Variants in PDE11A observed in about 807,000 individuals in gnomAD.
PDE11A encodes phosphodiesterase 11A.
A neutral mutation model predicts 100.5 loss-of-function variants in PDE11A; 100 were observed. The ratio of observed to expected loss-of-function variants is 1.00; its 90% confidence interval spans 0.85 to 1.18. PDE11A has a LOEUF of 1.18. Ranked by LOEUF, PDE11A falls within the 50% of genes most tolerant of loss-of-function variation. The probability of loss-of-function intolerance (pLI) is 0.00; values close to 1 mark genes in which losing one functional copy is unlikely to be tolerated. For synonymous variants in PDE11A, 381 were observed against 420.8 expected (o/e 0.91, Z 1.16); for missense variants, 1,141 against 1,152.6 (o/e 0.99, Z 0.15).
chr2:177,812,030 A>G (rs549026248), intron 9 of PDE11A, among the ~76,000 whole-genome samples: 2 of 152,340 alleles, frequency 1.3e-5, no homozygotes, highest in South Asian at 2.1e-4. Flanking sequence ...ACAAAACTCA[A>G]TGAAGATTAA....
chr2:178,036,941 C>T (rs752908424), intron 1 of PDE11A, among the ~76,000 whole-genome samples: 25 of 152,108 alleles, frequency 1.6e-4, no homozygotes, highest in Admixed American at 6.6e-4. Flanking sequence ...CCAGGCAATA[C>T]GATTCAGGAC....
At chr2:178,063,277 C>T (rs1382142638) in intron 1 of PDE11A, among the ~76,000 whole-genome samples, 1 of 152,298 alleles carries the variant, frequency 6.6e-6, no homozygotes, top group Non-Finnish European at 1.5e-5. Context: ...AGGATTTGAT[C>T]TCTTTACATT....
At chr2:177,835,194 C>T (rs2083374807) in intron 6 of PDE11A, among the ~76,000 whole-genome samples, 1 of 152,126 alleles carries the variant, frequency 6.6e-6, no homozygotes, top group African/African-American at 2.4e-5. Flanking sequence ...AAAGAAACAC[C>T]TCTTCTTTCT....
intron 10 of PDE11A, among the ~76,000 whole-genome samples, chr2:177,768,333 C>G (rs954751412): frequency 1.3e-5 from 2 of 152,150 alleles, no homozygotes; most frequent in East Asian, 1.9e-4. Flanking sequence ...TTCTAATGAT[C>G]TGATTCAATT....
At chr2:178,037,295 G>T (rs113379452) in intron 1 of PDE11A, among the ~76,000 whole-genome samples, 1,588 of 152,298 alleles carry the variant, frequency 0.01, 24 homozygotes, top group African/African-American at 0.036. Flanking sequence ...GGTCATTAGA[G>T]AAATGCAAAT....
chr2:177,912,707 C>T (rs2084900320), intron 2 of PDE11A, among the ~76,000 whole-genome samples: 1 of 151,932 alleles, frequency 6.6e-6, no homozygotes, highest in Non-Finnish European at 1.5e-5. Context: ...AAAAAAATAC[C>T]CATATTTCTG....
chr2:178,033,386 A>C (rs539943042), intron 1 of PDE11A, among the ~76,000 whole-genome samples: 1 of 152,294 alleles, frequency 6.6e-6, no homozygotes, highest in Admixed American at 6.5e-5. Context: ...GCATCCAGGA[A>C]ATATGGGACT....
chr2:177,724,720 G>C (rs1430181315), intron 12 of PDE11A, among the ~76,000 whole-genome samples: 10 of 152,046 alleles, frequency 6.6e-5, no homozygotes, highest in Non-Finnish European at 1.5e-4. Context: ...TCTCTTTTAG[G>C]AAAAACATTT....
intron 2 of PDE11A, among the ~76,000 whole-genome samples, chr2:178,083,119 A>G (rs1409931334): frequency 8.5e-6 from 1 of 117,670 alleles, no homozygotes; most frequent in Non-Finnish European, 1.9e-5. Flanking sequence ...TTTTTTTTTG[A>G]GATGGAGTCT....
intron 6 of PDE11A, among the ~76,000 whole-genome samples, chr2:177,833,134 A>G (rs1358233483): frequency 1.3e-5 from 2 of 152,092 alleles, no homozygotes; most frequent in East Asian, 1.9e-4. Flanking sequence ...GCAGACCCAC[A>G]TGGATTTGCC....
chr2:178,034,082 A>G (rs2086580016), intron 1 of PDE11A, among the ~76,000 whole-genome samples: 1 of 152,210 alleles, frequency 6.6e-6, no homozygotes, highest in Non-Finnish European at 1.5e-5. Context: ...AAATGCCCCA[A>G]TTAAAAGACA....
chr2:177,932,828 G>C, intron 2 of PDE11A, among the ~76,000 whole-genome samples: 1 of 135,254 alleles, frequency 7.4e-6, no homozygotes, highest in African/African-American at 2.8e-5. Flanking sequence ...AACTAGGCAA[G>C]AGTTAAAAAA....
At chr2:178,105,188 G>A (rs777589792) in intron 1 of PDE11A, among the ~76,000 whole-genome samples, 3 of 152,174 alleles carry the variant, frequency 2.0e-5, no homozygotes, top group South Asian at 2.1e-4. Context: ...TGGGTTGGGT[G>A]CGGTGGCTCA....
chr2:177,832,934 C>T (rs145724094), intron 6 of PDE11A, among the ~76,000 whole-genome samples: 9 of 152,210 alleles, frequency 5.9e-5, no homozygotes, highest in African/African-American at 2.2e-4. Context: ...AAAGATCAAA[C>T]AGCGCACTTG....
chr2:177,725,518 G>A (rs2081587525), intron 12 of PDE11A, among the ~76,000 whole-genome samples: 1 of 152,086 alleles, frequency 6.6e-6, no homozygotes. Context: ...ATTTGACAAT[G>A]AAGTCTCCTC....
At position 178,069,587 on chromosome 2, in the gene PDE11A, GA is replaced by G. The variant is rs71410796; in HGVS notation, c.912+1938del. 4.0e-3 allele frequency among the ~76,000 whole-genome samples: 579 copies of G among 143,396 alleles called. 2 individuals carry two copies. Among genetic ancestry groups the G allele is most frequent in the Non-Finnish European group, 4.5e-3 (291 of 65,268 alleles). The allele number at this position is 143,396 out of a possible 152,430, so 94.1% of individuals were successfully genotyped here. A position where few individuals can be genotyped will look rare whatever the true frequency, so the allele number is the denominator to read the frequency against. On this transcript the variant is annotated intron_variant, in intron 1 of 19. Coordinates refer to ENST00000286063, the MANE Select transcript of PDE11A (RefSeq NM_016953.4). Reference sequence around the variant, plus strand: ...TCATTACTACTCTGGGGGGAAAAGGGAAAAAAAAAAACTCCTCTTTCCCAAT... The same window carrying G: ...TCATTACTACTCTGGGGGGAAAAGGGAAAAAAAAAACTCCTCTTTCCCAAT...
At chr2:178,083,590 T>A (rs982790736) in intron 2 of PDE11A, among the ~76,000 whole-genome samples, 3 of 152,172 alleles carry the variant, frequency 2.0e-5, no homozygotes, top group Admixed American at 2.0e-4. Flanking sequence ...GTCATATAGA[T>A]CCAAAGACCC....
intron 2 of PDE11A, among the ~76,000 whole-genome samples, chr2:178,081,632 C>T (rs1284403310): frequency 4.6e-5 from 7 of 152,178 alleles, no homozygotes; most frequent in Admixed American, 4.6e-4. Context: ...TGAGCTTAAC[C>T]CTCCAAGGAT....
intron 2 of PDE11A, among the ~76,000 whole-genome samples, chr2:177,918,698 C>T (rs1276317466): frequency 2.0e-5 from 3 of 152,134 alleles, no homozygotes; most frequent in East Asian, 3.8e-4. Context: ...GCCATAATCT[C>T]AAACTTAAAT....
Sources: allele counts gnomAD v4.1 joint callset (sites outside exome capture counted in the v4.1 genomes callset), GRCh38; gene constraint gnomAD v4.1.1; transcripts MANE v1.5; gene names NCBI Gene and HGNC (gene_info 2026-07-23, HGNC 2026-07-21).